Variants in KIRREL3 observed in about 807,000 individuals in gnomAD.
KIRREL3 encodes kirre like nephrin family adhesion molecule 3.
Under a neutral mutation model 89.7 loss-of-function variants are expected in KIRREL3, and 36 were observed. The ratio of observed to expected loss-of-function variants is 0.40; its 90% CI spans 0.31 to 0.53. KIRREL3 has a LOEUF of 0.53. KIRREL3 is among the 20% of genes least tolerant of loss of function. KIRREL3 has a pLI of 0.49. For missense variants in KIRREL3, 864 were observed against 1,056.6 expected (o/e 0.82, Z 2.53); for synonymous variants, 445 against 441.4 (o/e 1.01, Z -0.10).
Position 126,563,118 on chromosome 11 carries a change from G to A in KIRREL3, c.56-206C>T, listed in dbSNP as rs1363405084. On this transcript the variant is annotated intron_variant, in intron 1 of 16. Transcript: ENST00000525144. The surrounding 1 kb of genome is among the most constrained non-coding windows in gnomAD (Gnocchi z 6.8). ...TTGATTCTCATAACAACCCTGTGAA[G>A]GATGTTTCCCCATTTTCTATCATCC... Among the ~76,000 whole-genome samples, 1 of 152,206 alleles carries A rather than the reference G, an allele frequency of 6.6e-6. No individual in the cohort carries two copies. Among genetic ancestry groups the A allele is most frequent in the Non-Finnish European group, 1.5e-5 (1 of 68,034 alleles).
intron 1 of KIRREL3, among the ~76,000 whole-genome samples, chr11:126,902,536 C>A (rs938997691): frequency 1.3e-5 from 2 of 152,126 alleles, no homozygotes; most frequent in African/African-American, 4.8e-5. Flanking sequence ...TAAGTATATC[C>A]CCCTAATGCA....
chr11:126,456,768 G>A (rs1276404074), intron 6 of KIRREL3, among the ~76,000 whole-genome samples: 1 of 152,218 alleles, frequency 6.6e-6, no homozygotes, highest in African/African-American at 2.4e-5. Flanking sequence ...CTAGGAAGGA[G>A]AGGTGGGAAG....
At chr11:126,713,225 G>A (rs1390881655) in intron 1 of KIRREL3, among the ~76,000 whole-genome samples, 2 of 152,218 alleles carry the variant, frequency 1.3e-5, no homozygotes, top group African/African-American at 4.8e-5. Flanking sequence ...GTGCAGAAAG[G>A]GAGAAAGGAG....
chr11:126,554,689 G>A (rs1215165359), intron 2 of KIRREL3, among the ~76,000 whole-genome samples: 1 of 152,156 alleles, frequency 6.6e-6, no homozygotes, highest in Non-Finnish European at 1.5e-5. Flanking sequence ...ACTGGTAGGG[G>A]AGACAGGTGT....
rs573564016 is a variant in KIRREL3 at position 126,710,920 on chromosome 11, G to T, written c.56-148008C>A. ...CTTGACAGTAGTCTCAACCTGATAG[G>T]CCTCTTCACAATGTGCAGGCTGTGA... On this transcript the variant is annotated intron_variant, in intron 1 of 16. Coordinates refer to ENST00000525144, the MANE Select transcript of KIRREL3 (RefSeq NM_032531.4). The surrounding 1 kb of genome is among the most constrained non-coding windows in gnomAD (Gnocchi z 4.2). Among the ~76,000 whole-genome samples the T allele has an allele frequency of 1.3e-5, 2 of 152,110 alleles. No individual in the cohort carries two copies. The highest frequency in any genetic ancestry group is 2.9e-5 in the Non-Finnish European group (2 of 68,022).
Position 126,624,765 on chromosome 11 carries a change from G to A in KIRREL3, c.56-61853C>T, listed in dbSNP as rs1660059994. On this transcript the variant is annotated intron_variant, in intron 1 of 16. Coordinates refer to ENST00000525144, the MANE Select transcript of KIRREL3 (RefSeq NM_032531.4). The surrounding 1 kb of genome is among the most constrained non-coding windows in gnomAD (Gnocchi z 6.0). ...TCAATAACGTGTGTCATGATGTAAT[G>A]CAGGGAGACCTCCAGATGCTTGACT... 6.6e-6 allele frequency among the ~76,000 whole-genome samples: 1 copy of A among 152,196 alleles called. No individual in the cohort carries two copies. Among genetic ancestry groups the A allele is most frequent in the Non-Finnish European group, 1.5e-5 (1 of 68,034 alleles).
chr11:126,584,495 G>C (rs1051589624), intron 1 of KIRREL3, among the ~76,000 whole-genome samples: 1 of 152,124 alleles, frequency 6.6e-6, no homozygotes, highest in Non-Finnish European at 1.5e-5. Flanking sequence ...ACTCATTTTT[G>C]TCTATGCTCC....
rs1301452800 is a variant in KIRREL3 at position 126,750,704 on chromosome 11, G to C, written c.56-187792C>G. 6.6e-6 allele frequency among the ~76,000 whole-genome samples: 1 copy of C among 152,192 alleles called. No homozygotes were observed. The highest frequency in any genetic ancestry group is 1.5e-5 in the Non-Finnish European group (1 of 68,036). The stretch of plus-strand genomic sequence containing the variant: ...CCAGCTTCTGGTTCCCTGACACCAG[G>C]AAGTAGGTATAATGTTTATTATTTT... On this transcript the variant is annotated intron_variant, in intron 1 of 16. Transcript: ENST00000525144. This position sits in a 1 kb window ranked among gnomAD's most constrained non-coding sequence, Gnocchi z 4.2.
In KIRREL3 at chr11:126,940,284, T is replaced by C. The variant is rs976559716; in HGVS notation, c.55+60171A>G. ...TATCTTTTTAAATATATCCTTTTTT[T>C]CTAGATTGGAAAAACAATAGTTGTT... On this transcript the variant is annotated intron_variant, in intron 1 of 16. Transcript: ENST00000525144. This position sits in a 1 kb window ranked among gnomAD's most constrained non-coding sequence, Gnocchi z 4.6. Among the ~76,000 whole-genome samples the C allele has an allele frequency of 8.5e-5, 13 of 152,368 alleles. No individual in the cohort carries two copies. Among genetic ancestry groups the C allele is most frequent in the Non-Finnish European group, 1.6e-4 (11 of 68,032 alleles).
In KIRREL3 at chr11:126,989,284, A is replaced by C. The variant is rs1324431623; in HGVS notation, c.55+11171T>G. Among the ~76,000 whole-genome samples, 5 of 152,206 alleles carry C rather than the reference A, an allele frequency of 3.3e-5. No homozygotes were observed. Among genetic ancestry groups the C allele is most frequent in the African/African-American group, 4.8e-5 (2 of 41,446 alleles). ...GAACTATCAGTAAAATGAAGACAGC[A>C]ATCCTGCCTTCAGCCCAACTCCACT... is the stretch of plus-strand genomic sequence containing the variant. On this transcript the variant is annotated intron_variant, in intron 1 of 16. Transcript: ENST00000525144. This position sits in a 1 kb window ranked among gnomAD's most constrained non-coding sequence, Gnocchi z 6.2.
chr11:126,645,551 G>C lies in KIRREL3; in HGVS notation c.56-82639C>G, dbSNP rs576804986. On this transcript the variant is annotated intron_variant, in intron 1 of 16. Transcript: ENST00000525144. The surrounding 1 kb of genome is among the most constrained non-coding windows in gnomAD (Gnocchi z 4.9). ...CGGGCATAAATCAGAATATGCACTT[G>C]AACTGGGCTACAGTGTTCCACCAGA... Among the ~76,000 whole-genome samples, 2 of 152,312 alleles carry C rather than the reference G, an allele frequency of 1.3e-5. No individual in the cohort carries two copies. The highest frequency in any genetic ancestry group is 1.3e-4 in the Admixed American group (2 of 15,300).
chr11:126,554,655 A>G (rs1272370264), intron 2 of KIRREL3, among the ~76,000 whole-genome samples: 3 of 152,220 alleles, frequency 2.0e-5, no homozygotes, highest in Non-Finnish European at 4.4e-5. Context: ...CTGGGATCTA[A>G]TGGAGACCAA....
intron 1 of KIRREL3, among the ~76,000 whole-genome samples, chr11:126,803,668 A>G (rs929059147): frequency 7.2e-5 from 11 of 152,066 alleles, no homozygotes; most frequent in African/African-American, 2.7e-4. Context: ...TGATTGATCT[A>G]ACTTTCCCCA....
chr11:126,943,217 C>T lies in KIRREL3; in HGVS notation c.55+57238G>A, dbSNP rs1346762548. Among the ~76,000 whole-genome samples the T allele has an allele frequency of 2.0e-5, 3 of 152,138 alleles. No homozygotes were observed. The highest frequency in any genetic ancestry group is 7.2e-5 in the African/African-American group (3 of 41,426). On this transcript the variant is annotated intron_variant, in intron 1 of 16. Transcript: ENST00000525144. This position sits in a 1 kb window ranked among gnomAD's most constrained non-coding sequence, Gnocchi z 4.2. ...GATTGGCTTTTGAGGTGTTTCTGGG[C>T]CTTAAGCAGCTCCCATGGTAAAACA... is the stretch of plus-strand genomic sequence containing the variant.
Position 126,723,158 on chromosome 11 carries a change from G to C in KIRREL3, c.56-160246C>G, listed in dbSNP as rs908066239. Among the ~76,000 whole-genome samples the C allele has an allele frequency of 6.6e-6, 1 of 152,204 alleles. No individual in the cohort carries two copies. Among genetic ancestry groups the C allele is most frequent in the South Asian group, 2.1e-4 (1 of 4,810 alleles). ...TGTGGTTTGTTCGTCTCCGTCCCAG[G>C]CATCTATCTCAGAGCCTGCAGCCCT... On this transcript the variant is annotated intron_variant, in intron 1 of 16. Transcript: ENST00000525144. The surrounding 1 kb of genome is among the most constrained non-coding windows in gnomAD (Gnocchi z 4.0).
At chr11:126,834,823 C>A (rs1162593185) in intron 1 of KIRREL3, among the ~76,000 whole-genome samples, 1 of 152,256 alleles carries the variant, frequency 6.6e-6, no homozygotes, top group Non-Finnish European at 1.5e-5. Context: ...AAGGAATGCA[C>A]CACAGCTGGC....
chr11:126,738,268 A>G (rs1565691636), intron 1 of KIRREL3, among the ~76,000 whole-genome samples: 1 of 152,164 alleles, frequency 6.6e-6, no homozygotes, highest in Non-Finnish European at 1.5e-5. Flanking sequence ...AGCCTCCAAC[A>G]GCCCCTGTTG....
intron 1 of KIRREL3, among the ~76,000 whole-genome samples, chr11:126,657,248 TTAAATAAA>T (rs1032242355): frequency 1.3e-4 from 4 of 30,330 alleles, no homozygotes; most frequent in Non-Finnish European, 1.4e-4. Context: ...AAATAAATAA[TTAAATAAA>T]TAAATAAATA....
At chr11:126,546,510 G>C (rs543435205) in intron 2 of KIRREL3, among the ~76,000 whole-genome samples, 1 of 152,212 alleles carries the variant, frequency 6.6e-6, no homozygotes, top group Non-Finnish European at 1.5e-5. Context: ...CACAACCTGG[G>C]GGCAGAAGCA....
Sources: allele counts gnomAD v4.1 joint callset (sites outside exome capture counted in the v4.1 genomes callset), GRCh38; gene constraint gnomAD v4.1.1; non-coding constraint Gnocchi (gnomAD v3.1); transcripts MANE v1.5; gene names NCBI Gene and HGNC (gene_info 2026-07-23, HGNC 2026-07-21).